CEACAM5: variants seen among roughly 807,000 people sequenced by gnomAD.
CEACAM5 encodes cell adhesion molecule CEACAM5.
CEACAM5 carries 52 observed loss-of-function variants against 63.0 expected under a neutral mutation model. The ratio of observed to expected loss-of-function variants is 0.83; its 90% CI spans 0.66 to 1.04. CEACAM5 has a LOEUF of 1.04. CEACAM5 is among the 50% of genes least tolerant of loss of function. CEACAM5 has a pLI of 0.00. For synonymous variants in CEACAM5, 357 were observed against 351.3 expected (o/e 1.02, Z -0.18); for missense variants, 790 against 864.8 (o/e 0.91, Z 1.08).
At chr19:41,713,117 C>T (rs1047071098) in intron 2 of CEACAM5, among the ~76,000 whole-genome samples, 5 of 152,198 alleles carry the variant, frequency 3.3e-5, no homozygotes, top group South Asian at 2.1e-4. Context: ...CCATCCTGGC[C>T]AACATGGTGA....
intron 9 of CEACAM5, among the ~76,000 whole-genome samples, chr19:41,728,257 T>C (rs2072725899): frequency 6.6e-6 from 1 of 152,090 alleles, no homozygotes; most frequent in South Asian, 2.1e-4. Flanking sequence ...CACAAGAAAT[T>C]AGAGAAATCT....
intron 6 of CEACAM5, among the ~76,000 whole-genome samples, chr19:41,718,846 C>A (rs2072571491): frequency 6.6e-6 from 1 of 152,236 alleles, no homozygotes; most frequent in African/African-American, 2.4e-5. Flanking sequence ...GCAGCTCAGA[C>A]TCTGCTCCCG....
At chr19:41,728,474 T>C (rs1378716579) in intron 9 of CEACAM5, among the ~76,000 whole-genome samples, 2 of 152,128 alleles carry the variant, frequency 1.3e-5, no homozygotes, top group Non-Finnish European at 2.9e-5. Flanking sequence ...ACCCATGACT[T>C]TCAGCTAGGA....
chr19:41,709,537 G>GACACACACACACACACACACACAC (rs71334990), intron 1 of CEACAM5, 143 bp from the exon 2 acceptor site: 1 of 1,010,696 alleles, frequency 9.9e-7, no homozygotes, highest in African/African-American at 1.7e-5. Context: ...GACCTAGTAG[G>GACACACACACACACACACACACAC]ACACACACAC....
In CEACAM5 at chr19:41,730,335, C is replaced by A. The variant is rs547397274; in HGVS notation, c.*1188C>A. On this transcript the variant is annotated 3_prime_UTR_variant, in exon 10 of 10. Coordinates refer to ENST00000221992, the MANE Select transcript of CEACAM5 (RefSeq NM_004363.6). ...TACTCAGGAGGCTGAGGCAGGAGAA[C>A]GGCATGAACCCGGGAGGCAGGGCTT... 6.6e-6 allele frequency among the ~76,000 whole-genome samples: 1 copy of A among 151,020 alleles called. No homozygotes were observed. The highest frequency in any genetic ancestry group is 2.4e-5 in the African/African-American group (1 of 40,972).
intron 4 of CEACAM5, 55 bp from the exon 5 acceptor site, chr19:41,717,400 C>G (rs1268652410): frequency 6.4e-7 from 1 of 1,566,388 alleles, no homozygotes; most frequent in Non-Finnish European, 8.7e-7. Flanking sequence ...GATAGATGCC[C>G]GTGGAGGAAT....
chr19:41,721,196 A>G lies in CEACAM5; in HGVS notation c.2026+20A>G. ...TCTCTGGTAAGTGGCTCCCTGGAGC[A>G]TCAGCATCATATTCTGGGGTGGAGT... On this transcript the variant is annotated intron_variant, in intron 8 of 9. Transcript: ENST00000221992. 6.2e-7 allele frequency: 1 copy of G among 1,613,384 alleles called. No individual in the cohort carries two copies. The highest frequency in any genetic ancestry group is 8.5e-7 in the Non-Finnish European group (1 of 1,179,356).
chr19:41,717,849 C>A, intron 5 of CEACAM5, 116 bp downstream of exon 5: 2 of 1,324,490 alleles, frequency 1.5e-6, no homozygotes, highest in South Asian at 2.7e-5. Flanking sequence ...CCCTGGACAT[C>A]CAGGCTGGCC....
At chr19:41,715,361 C>T in intron 3 of CEACAM5, 112 bp downstream of exon 3, 3 of 1,468,404 alleles carry the variant, frequency 2.0e-6, no homozygotes, top group Non-Finnish European at 1.9e-6. Flanking sequence ...CAACCCTGGA[C>T]ATCCAGACTG....
intron 9 of CEACAM5, among the ~76,000 whole-genome samples, chr19:41,728,452 A>G (rs1045364424): frequency 3.9e-5 from 6 of 152,192 alleles, no homozygotes; most frequent in African/African-American, 1.4e-4. Flanking sequence ...AATAGGTAGG[A>G]CTTGGGGCTA....
intron 9 of CEACAM5, among the ~76,000 whole-genome samples, chr19:41,728,803 A>AAAAAAAAAAAAAG (rs1230457032): frequency 3.3e-5 from 5 of 151,386 alleles, no homozygotes; most frequent in African/African-American, 1.2e-4. Context: ...AAAAAAAAAA[A>AAAAAAAAAAAAAG]AAGAATTGCC....
chr19:41,724,730 T>C (rs986816374), intron 8 of CEACAM5, among the ~76,000 whole-genome samples: 4 of 152,236 alleles, frequency 2.6e-5, no homozygotes, highest in African/African-American at 9.7e-5. Flanking sequence ...TTTATGTTAA[T>C]GTGAATTGGA....
intron 8 of CEACAM5, among the ~76,000 whole-genome samples, chr19:41,726,519 C>T (rs1321259268): frequency 1.3e-5 from 2 of 152,172 alleles, no homozygotes; most frequent in African/African-American, 4.8e-5. Flanking sequence ...TTTTCATCCA[C>T]TGAGATTCAG....
intron 8 of CEACAM5, among the ~76,000 whole-genome samples, chr19:41,725,085 T>C (rs1312224892): frequency 1.3e-5 from 2 of 152,236 alleles, no homozygotes; most frequent in Non-Finnish European, 2.9e-5. Context: ...ATGTTAGCAT[T>C]GGGCTTTTCA....
rs1555815828 is a variant in CEACAM5, at chr19:41,720,011, C to T, written c.1574C>T (p.Pro525Leu). ...DKDAVAFTCEPEAQNTTYLWW... is the reference protein window; with the variant it reads ...DKDAVAFTCELEAQNTTYLWW... ...GATGCTGTGGCCTTCACCTGTGAACCTGAGGCTCAGAACACAACCTACCTG... is the reference window on the plus strand; with the variant it reads ...GATGCTGTGGCCTTCACCTGTGAACTTGAGGCTCAGAACACAACCTACCTG... Residue 525 changes from proline to leucine, a missense_variant, in exon 7 of 10, where the codon CCT (proline) becomes CTT (leucine). Physicochemically the swap from Pro to Leu is moderately conservative, Grantham distance 98. Transcript: ENST00000221992. 9.9e-6 allele frequency: 16 copies of T among 1,614,134 alleles called. No individual in the cohort carries two copies. The highest frequency in any genetic ancestry group is 1.2e-5 in the Non-Finnish European group (14 of 1,180,062).
chr19:41,715,374 T>C (rs782781361), intron 3 of CEACAM5, 125 bp downstream of exon 3: 7 of 1,421,670 alleles, frequency 4.9e-6, no homozygotes, highest in Non-Finnish European at 6.9e-6. Flanking sequence ...CCAGACTGTC[T>C]GTGACTTTCT....
chr19:41,708,875 G>C, intron 1 of CEACAM5, 80 bp downstream of exon 1: 1 of 1,043,312 alleles, frequency 9.6e-7, no homozygotes, highest in Non-Finnish European at 1.4e-6. Flanking sequence ...GAGACGGACA[G>C]AGGGCTCCTG....
chr19:41,728,786 C>CAAAAAAAAAAAAAAAAAAAAAAA (rs55647539), intron 9 of CEACAM5, among the ~76,000 whole-genome samples: 1 of 73,298 alleles, frequency 1.4e-5, no homozygotes, highest in African/African-American at 5.7e-5. Flanking sequence ...GACTCCGTCT[C>CAAAAAAAAAAAAAAAAAAAAAAA]AAAAAAAAAA....
Position 41,727,465 on chromosome 19 carries a change from C to T in CEACAM5, c.*36+113C>T. The T allele has an allele frequency of 1.0e-5, 7 of 673,892 alleles. No homozygotes were observed. The South Asian group carries it at 1.3e-4, about 12-fold the overall frequency. 41.7% of individuals were successfully genotyped at this position (673,892 alleles called of 1,614,324 possible). A position where few individuals can be genotyped will look rare whatever the true frequency, so the allele number is the denominator to read the frequency against. On this transcript the variant is annotated intron_variant, in intron 9 of 9. Transcript: ENST00000221992. ...CTGGGACTGGATCTCTTCCTCCTAC[C>T]CCCAAGCTCCTGCTTCTCAGCACTA... is the stretch of plus-strand genomic sequence containing the variant.
Sources: gnomAD v4.1 joint callset for allele counts (sites outside exome capture counted in the v4.1 genomes callset) on GRCh38, gnomAD v4.1.1 for gene constraint, MANE v1.5 for transcripts, NCBI Gene and HGNC (gene_info 2026-07-23, HGNC 2026-07-21) for gene names.